The following TMEM39A variants were observed in gnomAD, a reference collection of about 807,000 sequenced individuals.
The protein encoded by TMEM39A is suppressor of SQST-1 aggregates in rpl-43 mutants.
TMEM39A carries 19 observed loss-of-function variants against 51.9 expected under a neutral mutation model. The ratio of observed to expected loss-of-function variants is 0.37; its 90% CI spans 0.26 to 0.54. The LOEUF (loss-of-function observed/expected upper bound fraction) is 0.54. TMEM39A is among the 20% of genes least tolerant of loss of function. The pLI is 0.88. For synonymous variants in TMEM39A, 197 were observed against 220.2 expected (o/e 0.89, Z 0.93); for missense variants, 433 against 590.5 (o/e 0.73, Z 2.76).
At chr3:119,457,617 C>T (rs116758097) in intron 3 of TMEM39A, among the ~76,000 whole-genome samples, 294 of 152,270 alleles carry the variant, frequency 1.9e-3, no homozygotes, top group African/African-American at 6.5e-3. Context: ...TCCTGGCAAC[C>T]AGGACAACTG....
chr3:119,447,399 A>T (rs1005716408), intron 4 of TMEM39A, among the ~76,000 whole-genome samples: 2 of 152,046 alleles, frequency 1.3e-5, no homozygotes, highest in African/African-American at 4.8e-5. Context: ...CCATCTACAG[A>T]ACTCTTTTAA....
At chr3:119,459,891 C>A (rs904947431) in intron 2 of TMEM39A, among the ~76,000 whole-genome samples, 2 of 152,176 alleles carry the variant, frequency 1.3e-5, no homozygotes, top group Non-Finnish European at 1.5e-5. Context: ...GAAGTGAGTT[C>A]TCCTCATCTG....
intron 5 of TMEM39A, among the ~76,000 whole-genome samples, chr3:119,438,444 T>C (rs1263182137): frequency 6.6e-6 from 1 of 152,270 alleles, no homozygotes; most frequent in African/African-American, 2.4e-5. Flanking sequence ...ATATGCTTTT[T>C]TCCTTTTGTG....
intron 3 of TMEM39A, among the ~76,000 whole-genome samples, chr3:119,455,502 A>T (rs1050886783): frequency 1.3e-5 from 2 of 152,214 alleles, no homozygotes; most frequent in African/African-American, 4.8e-5. Flanking sequence ...ACTTTCTTGC[A>T]ACTCAGACTC....
intron 2 of TMEM39A, among the ~76,000 whole-genome samples, chr3:119,460,314 C>G (rs750901104): frequency 2.6e-5 from 4 of 151,916 alleles, no homozygotes; most frequent in African/African-American, 9.7e-5. Context: ...AAAAGAATAC[C>G]AAACCCAGTC....
intron 7 of TMEM39A, chr3:119,435,291 AT>A (rs1205195682): frequency 7.1e-6 from 7 of 985,318 alleles, no homozygotes; most frequent in Non-Finnish European, 8.4e-6. Context: ...TAGTGGAGAA[AT>A]TAGCACATTG....
rs79477225 is a variant in TMEM39A, at chr3:119,435,699, G to C, written c.1113-817C>G. ...ATTAAAAAAAAAAAAAAAAATTCTA[G>C]CACCCTAAAGCTTTCCCAGTTCAGA... On this transcript the variant is annotated intron_variant, in intron 7 of 8. Coordinates refer to ENST00000319172, the MANE Select transcript of TMEM39A (RefSeq NM_018266.3). 443 of 981,950 alleles carry C rather than the reference G, an allele frequency of 4.5e-4. 2 individuals carry two copies. In the African/African-American group the frequency reaches 7.5e-3, roughly 17 times the overall value. 60.8% of individuals were successfully genotyped at this position (981,950 alleles called of 1,614,324 possible). A position where few individuals can be genotyped will look rare whatever the true frequency, so the allele number is the denominator to read the frequency against.
chr3:119,459,990 C>A (rs2081317392), intron 2 of TMEM39A, among the ~76,000 whole-genome samples: 2 of 151,968 alleles, frequency 1.3e-5, no homozygotes, highest in African/African-American at 2.4e-5. Context: ...GTCCCCAGGT[C>A]TTTTATAACA....
At chr3:119,461,798 C>G (rs755364065) in intron 2 of TMEM39A, among the ~76,000 whole-genome samples, 164 bp downstream of exon 2, 1 of 152,182 alleles carries the variant, frequency 6.6e-6, no homozygotes, top group Non-Finnish European at 1.5e-5. Context: ...TTTTTACCTC[C>G]AAAGTATTTT....
intron 4 of TMEM39A, 80 bp from the exon 5 acceptor site, chr3:119,447,252 T>C: frequency 2.1e-6 from 3 of 1,457,634 alleles, no homozygotes; most frequent in South Asian, 2.5e-5. Context: ...AAGAACTTAA[T>C]AGGTTTAGTG....
rs1457056793 is a variant in TMEM39A, at chr3:119,458,180, A to G, written c.174T>C (p.Pro58=). Reference sequence around the variant, plus strand: ...AGTCAGGAATTTGGCAATGACGAACAGGACCTGGGGTGATTAAGGCTGTGA... The same window carrying G: ...AGTCAGGAATTTGGCAATGACGAACGGGACCTGGGGTGATTAAGGCTGTGA... ...PPITALITPG[P]VRHCQIPDLP... The change falls in exon 3 of 9, where the codon CCT becomes CCC. Residue 58 remains proline (P), a synonymous_variant. Coordinates refer to ENST00000319172, the MANE Select transcript of TMEM39A (RefSeq NM_018266.3). 3.1e-6 allele frequency: 5 copies of G among 1,614,214 alleles called. No individual in the cohort carries two copies. Among genetic ancestry groups the G allele is most frequent in the Non-Finnish European group, 4.2e-6 (5 of 1,180,032 alleles).
At chr3:119,438,767 C>T (rs1283671528) in intron 5 of TMEM39A, among the ~76,000 whole-genome samples, 1 of 152,164 alleles carries the variant, frequency 6.6e-6, no homozygotes, top group African/African-American at 2.4e-5. Flanking sequence ...ATGTCCCTTT[C>T]TTAGTAGGGG....
chr3:119,431,847 T>C lies in TMEM39A; in HGVS notation c.*134A>G. The C allele has an allele frequency of 3.3e-6, 2 of 598,126 alleles. No homozygotes were observed. Among genetic ancestry groups the C allele is most frequent in the Non-Finnish European group, 5.5e-6 (2 of 364,434 alleles). 37.1% of individuals were successfully genotyped at this position (598,126 alleles called of 1,614,324 possible). A position where few individuals can be genotyped will look rare whatever the true frequency, so the allele number is the denominator to read the frequency against. On this transcript the variant is annotated 3_prime_UTR_variant, in exon 9 of 9. Transcript: ENST00000319172. Reference sequence around the variant, plus strand: ...GTTTACGGATACATTTAATATCCCTTACTCTTCCCGACTTTCAAAACATAA... The same window carrying C: ...GTTTACGGATACATTTAATATCCCTCACTCTTCCCGACTTTCAAAACATAA...
intron 2 of TMEM39A, among the ~76,000 whole-genome samples, chr3:119,461,052 A>G (rs1479617716): frequency 6.6e-6 from 1 of 152,220 alleles, no homozygotes; most frequent in African/African-American, 2.4e-5. Flanking sequence ...ACATCCTGCT[A>G]TGATGCAAAC....
At chr3:119,445,839 T>G (rs2081117554) in intron 5 of TMEM39A, among the ~76,000 whole-genome samples, 1 of 152,212 alleles carries the variant, frequency 6.6e-6, no homozygotes, top group Non-Finnish European at 1.5e-5. Context: ...TCTTTCAACC[T>G]TGTTGAATGT....
In TMEM39A at chr3:119,430,950, C is replaced by G. The variant is rs2080890380; in HGVS notation, c.*1031G>C. 6.6e-6 allele frequency: 1 copy of G among 152,120 alleles called. No homozygotes were observed. Among genetic ancestry groups the G allele is most frequent in the Admixed American group, 6.6e-5 (1 of 15,266 alleles). The allele number at this position is 152,120 out of a possible 1,614,324, so 9.4% of individuals were successfully genotyped here. On this transcript the variant is annotated 3_prime_UTR_variant, in exon 9 of 9. Transcript: ENST00000319172. Reference sequence around the variant, plus strand: ...CAACATCAATGGACTAAGTATATCACCTCCCATAACTTAAAAGGCTAATAC... The same window carrying G: ...CAACATCAATGGACTAAGTATATCAGCTCCCATAACTTAAAAGGCTAATAC...
At chr3:119,457,223 G>A (rs1174459209) in intron 3 of TMEM39A, among the ~76,000 whole-genome samples, 2 of 151,182 alleles carry the variant, frequency 1.3e-5, no homozygotes, top group Non-Finnish European at 3.0e-5. Flanking sequence ...GCCCGCATTA[G>A]CCTCCCAAAG....
At position 119,452,436 on chromosome 3, in the gene TMEM39A, T is replaced by C. The variant is rs752989701; in HGVS notation, c.420+11A>G. 1 of 1,609,900 alleles carries C rather than the reference T, an allele frequency of 6.2e-7. No individual in the cohort carries two copies. The highest frequency in any genetic ancestry group is 1.7e-5 in the Admixed American group (1 of 59,936). On this transcript the variant is annotated intron_variant, in intron 4 of 8. Coordinates refer to ENST00000319172, the MANE Select transcript of TMEM39A (RefSeq NM_018266.3). ...GCTACATGTGATAGAATATAGTCAA[T>C]GAACTGTTACCTCTGAGATGAGAGC...
At chr3:119,435,813 C>A in intron 7 of TMEM39A, 1 of 1,253,514 alleles carries the variant, frequency 8.0e-7, no homozygotes, top group Non-Finnish European at 1.0e-6. Flanking sequence ...TGAAGATGTA[C>A]AGTACTAGTA....
Sources: allele counts gnomAD v4.1 joint callset (sites outside exome capture counted in the v4.1 genomes callset), GRCh38; gene constraint gnomAD v4.1.1; transcripts MANE v1.5; gene names NCBI Gene and HGNC (gene_info 2026-07-23, HGNC 2026-07-21).